GRIK3: variants seen among roughly 807,000 people sequenced by gnomAD.
The protein encoded by GRIK3 is glutamate ionotropic receptor kainate type subunit 3, also known as glutamate receptor ionotropic, kainate 3.
Under a neutral mutation model 102.5 loss-of-function variants are expected in GRIK3, and 29 were observed. The ratio of observed to expected loss-of-function variants is 0.28; its 90% confidence interval spans 0.21 to 0.39. The LOEUF (loss-of-function observed/expected upper bound fraction) is 0.39, where lower values mean the gene tolerates loss of function less well. Ranked by LOEUF, GRIK3 falls within the 10% of genes least tolerant of loss-of-function variation. The pLI is 1.00. For missense variants in GRIK3, 908 were observed against 1,252.4 expected (o/e 0.73, Z 4.15); for synonymous variants, 511 against 504.9 (o/e 1.01, Z -0.16).
At chr1:36,933,014 C>T (rs1641612774) in intron 1 of GRIK3, among the ~76,000 whole-genome samples, 1 of 152,180 alleles carries the variant, frequency 6.6e-6, no homozygotes, top group South Asian at 2.1e-4. Context: ...GTTACAATTG[C>T]CCAATATGTA....
chr1:36,869,621 G>A, intron 5 of GRIK3, 127 bp downstream of exon 5: 1 of 741,852 alleles, frequency 1.3e-6, no homozygotes, highest in South Asian at 1.6e-5. Context: ...CCTTACCTGG[G>A]GCCACCCCTA....
chr1:36,922,507 C>T (rs571412362), intron 1 of GRIK3, among the ~76,000 whole-genome samples: 1 of 152,318 alleles, frequency 6.6e-6, no homozygotes, highest in East Asian at 1.9e-4. Flanking sequence ...TGGCTGCCAC[C>T]CTTCCCCTCA....
At chr1:36,802,680 C>T (rs1642455128) in intron 15 of GRIK3, among the ~76,000 whole-genome samples, 1 of 152,192 alleles carries the variant, frequency 6.6e-6, no homozygotes, top group African/African-American at 2.4e-5. Context: ...GCAGCGTTTC[C>T]CGCAGGTATC....
intron 1 of GRIK3, among the ~76,000 whole-genome samples, chr1:36,930,690 G>C (rs1045326322): frequency 1.3e-5 from 2 of 152,228 alleles, no homozygotes; most frequent in Non-Finnish European, 2.9e-5. Flanking sequence ...CACCAGGCCA[G>C]GGATGGTGTG....
intron 13 of GRIK3, among the ~76,000 whole-genome samples, chr1:36,816,851 T>C (rs1642636975): frequency 6.6e-6 from 1 of 152,208 alleles, no homozygotes. Context: ...CAGAAACTTC[T>C]AGGATTTGTG....
At chr1:36,903,986 C>G (rs1387993326) in intron 1 of GRIK3, among the ~76,000 whole-genome samples, 1 of 151,872 alleles carries the variant, frequency 6.6e-6, no homozygotes, top group Non-Finnish European at 1.5e-5. Flanking sequence ...GATGATGTAT[C>G]AGTATAAGTC....
chr1:36,825,467 A>G lies in GRIK3; in HGVS notation c.1754+136T>C, dbSNP rs1264044364. On this transcript the variant is annotated intron_variant, in intron 11 of 15. Transcript: ENST00000373091. ...AGGGATACAAAGGAATCTGAGCCATAGGGAGTGGAAGAGGAGTGGGTACAG... is the reference window on the plus strand; with the variant it reads ...AGGGATACAAAGGAATCTGAGCCATGGGGAGTGGAAGAGGAGTGGGTACAG... The G allele has an allele frequency of 6.5e-5, 35 of 539,840 alleles. No individual in the cohort carries two copies. In the Middle Eastern group the frequency reaches 1.5e-3, roughly 22 times the overall value. 33.4% of individuals were successfully genotyped at this position (539,840 alleles called of 1,614,324 possible).
chr1:37,020,187 T>C (rs822854), intron 1 of GRIK3, among the ~76,000 whole-genome samples: 72,868 of 151,972 alleles, frequency 0.48, 17,762 homozygotes, highest in East Asian at 0.55. Context: ...GGCACGACTT[T>C]TCTGTCTGGG....
intron 1 of GRIK3, among the ~76,000 whole-genome samples, chr1:37,008,567 T>C (rs1162422445): frequency 6.6e-6 from 1 of 152,218 alleles, no homozygotes; most frequent in Non-Finnish European, 1.5e-5. Flanking sequence ...GCAATCTACT[T>C]TGCCACATCT....
chr1:36,887,987 T>A (rs532383), intron 2 of GRIK3, among the ~76,000 whole-genome samples: 143,749 of 152,112 alleles, frequency 0.95, 67,993 homozygotes, highest in East Asian at 0.99. Context: ...CAGCTTTGGA[T>A]AACTGTTTAG....
rs116636473 is a variant in GRIK3 at position 36,917,037 on chromosome 1, C to T, written c.116-25941G>A. 9.9e-3 allele frequency among the ~76,000 whole-genome samples: 1,504 copies of T among 152,286 alleles called. 29 individuals are homozygous for T. The highest frequency in any genetic ancestry group is 0.035 in the African/African-American group (1,444 of 41,552). On this transcript the variant is annotated intron_variant, in intron 1 of 15. Transcript: ENST00000373091. ...AGATAGGGACTATTCCCTGTAAAGC[C>T]TCAGGGGTGGAGCTGCCAACGACCA...
chr1:36,841,710 C>G, intron 10 of GRIK3, 26 bp downstream of exon 10: 1 of 1,592,646 alleles, frequency 6.3e-7, no homozygotes. Context: ...GGTCCTGAGC[C>G]CTCCCATGCT....
intron 1 of GRIK3, among the ~76,000 whole-genome samples, chr1:36,972,262 G>A (rs1481888562): frequency 6.6e-6 from 1 of 152,196 alleles, no homozygotes; most frequent in Non-Finnish European, 1.5e-5. Flanking sequence ...AACCTCCTTG[G>A]AGCCCCTAAG....
intron 8 of GRIK3, among the ~76,000 whole-genome samples, chr1:36,852,668 G>A (rs986552898): frequency 4.6e-5 from 7 of 152,182 alleles, no homozygotes; most frequent in Non-Finnish European, 8.8e-5. Context: ...GGGCACTGCC[G>A]GGGTGGAGAG....
intron 4 of GRIK3, among the ~76,000 whole-genome samples, chr1:36,870,183 A>G (rs1315907818): frequency 1.3e-5 from 2 of 151,962 alleles, no homozygotes; most frequent in Admixed American, 1.3e-4. Flanking sequence ...CCTGGACTCC[A>G]CTCAGCTGAG....
At chr1:37,010,206 T>C (rs945821938) in intron 1 of GRIK3, among the ~76,000 whole-genome samples, 1 of 152,182 alleles carries the variant, frequency 6.6e-6, no homozygotes, top group African/African-American at 2.4e-5. Flanking sequence ...GCCGGGCCAC[T>C]CCTTGCTCAG....
At position 36,797,392 on chromosome 1, in the gene GRIK3, T is replaced by G. The variant is rs1642379159; in HGVS notation, c.*4459A>C. 1 of 152,082 alleles carries G rather than the reference T, an allele frequency of 6.6e-6. No homozygotes were observed. The highest frequency in any genetic ancestry group is 6.6e-5 in the Admixed American group (1 of 15,262). The allele number at this position is 152,082 out of a possible 1,614,324, so 9.4% of individuals were successfully genotyped here. ...TTTGTGACTCACGTATGACCTCAGCTCTGAAATTTTTACTCCAGGGCAAAT... is the reference window on the plus strand; with the variant it reads ...TTTGTGACTCACGTATGACCTCAGCGCTGAAATTTTTACTCCAGGGCAAAT... On this transcript the variant is annotated 3_prime_UTR_variant, in exon 16 of 16. Transcript: ENST00000373091.
At chr1:37,009,366 G>T (rs1391600327) in intron 1 of GRIK3, among the ~76,000 whole-genome samples, 2 of 152,192 alleles carry the variant, frequency 1.3e-5, no homozygotes, top group African/African-American at 2.4e-5. Context: ...AAGAGAAGGG[G>T]CAGGTCAAGG....
chr1:36,958,945 GTGCCCTGTGAGCCTGCA>G lies in GRIK3; in HGVS notation c.116-67866_116-67850del, dbSNP rs1213690591. 1.5e-4 allele frequency among the ~76,000 whole-genome samples: 19 copies of G among 130,558 alleles called. 2 individuals carry two copies. Among genetic ancestry groups the G allele is most frequent in the Non-Finnish European group, 2.2e-4 (13 of 58,450 alleles). The allele number at this position is 130,558 out of a possible 152,430, so 85.7% of individuals were successfully genotyped here. Reference sequence around the variant, plus strand: ...GAGCCTGTGTGCCCTGTGAGCCTGTGTGCCCTGTGAGCCTGCACCCCATGAGCCTCTGTGACCTGTGA... The same window carrying G: ...GAGCCTGTGTGCCCTGTGAGCCTGTGCCCCATGAGCCTCTGTGACCTGTGA... On this transcript the variant is annotated intron_variant, in intron 1 of 15. Coordinates refer to ENST00000373091, the MANE Select transcript of GRIK3 (RefSeq NM_000831.4).
Sources: gnomAD v4.1 joint callset for allele counts (sites outside exome capture counted in the v4.1 genomes callset) on GRCh38, gnomAD v4.1.1 for gene constraint, MANE v1.5 for transcripts, NCBI Gene and HGNC (gene_info 2026-07-23, HGNC 2026-07-21) for gene names.